Variants in EFR3A observed in about 807,000 individuals in gnomAD.
EFR3A encodes EFR3 homolog A.
In EFR3A, 76 loss-of-function variants were observed where a neutral mutation model predicts 104.4. The observed-to-expected ratio is 0.73, with a 90% confidence interval of 0.60 to 0.88. The LOEUF (loss-of-function observed/expected upper bound fraction) is 0.88. Ranked by LOEUF, EFR3A falls within the 40% of genes least tolerant of loss-of-function variation. The probability of loss-of-function intolerance (pLI) is 0.00; values close to 1 mark genes in which losing one functional copy is unlikely to be tolerated. For missense variants in EFR3A, 985 were observed against 1,012.5 expected (o/e 0.97, Z 0.37); for synonymous variants, 330 against 330.0 (o/e 1.00, Z 0.00).
intron 22 of EFR3A, among the ~76,000 whole-genome samples, chr8:132,010,407 GATATATAT>G (rs66644698): frequency 0.13 from 10,818 of 81,318 alleles, 695 homozygotes; most frequent in Middle Eastern, 0.25. Flanking sequence ...TCAAGTATGA[GATATATAT>G]ATATATATAT....
intron 4 of EFR3A, among the ~76,000 whole-genome samples, chr8:131,948,812 G>A (rs1336263129): frequency 6.6e-6 from 1 of 152,000 alleles, no homozygotes; most frequent in Non-Finnish European, 1.5e-5. Context: ...TTTCCTGGTG[G>A]TCTAATTTTC....
intron 22 of EFR3A, among the ~76,000 whole-genome samples, chr8:132,005,269 G>A (rs1438687517): frequency 6.6e-6 from 1 of 152,056 alleles, no homozygotes; most frequent in East Asian, 1.9e-4. Context: ...GAGTTTTCAG[G>A]TCCTGTCTGG....
At chr8:131,906,992 G>A (rs1280923137) in intron 1 of EFR3A, among the ~76,000 whole-genome samples, 1 of 141,460 alleles carries the variant, frequency 7.1e-6, no homozygotes, top group East Asian at 2.2e-4. Context: ...GTTGTGTATC[G>A]GGAAGCTGAG....
At chr8:131,968,231 C>T in intron 8 of EFR3A, 64 bp from the exon 9 acceptor site, 3 of 1,492,512 alleles carry the variant, frequency 2.0e-6, no homozygotes, top group Non-Finnish European at 2.7e-6. Context: ...TTTTTTTATT[C>T]TTAGGAATTC....
At chr8:132,007,397 TA>T (rs1253617037) in intron 22 of EFR3A, among the ~76,000 whole-genome samples, 4 of 151,840 alleles carry the variant, frequency 2.6e-5, no homozygotes, top group South Asian at 2.1e-4. Flanking sequence ...AACATAGCAT[TA>T]AAAAAATTAG....
intron 1 of EFR3A, among the ~76,000 whole-genome samples, chr8:131,929,073 G>A (rs1354077802): frequency 6.6e-6 from 1 of 151,936 alleles, no homozygotes; most frequent in South Asian, 2.1e-4. Context: ...TTTTAAATTT[G>A]TTTCTAGTTT....
intron 1 of EFR3A, chr8:131,938,165 G>C (rs1818000344): frequency 2.5e-6 from 1 of 396,124 alleles, no homozygotes; most frequent in African/African-American, 2.1e-5. Flanking sequence ...GGCACTTGCT[G>C]AACAGTAGGT....
intron 18 of EFR3A, among the ~76,000 whole-genome samples, chr8:131,991,772 G>T (rs900802598): frequency 1.3e-5 from 2 of 152,138 alleles, no homozygotes; most frequent in Non-Finnish European, 2.9e-5. Context: ...TCTCAAGAAA[G>T]TGAAAGGAAA....
At position 131,970,556 on chromosome 8, in the gene EFR3A, G is replaced by T. The variant is rs2270877; in HGVS notation, c.1072G>T (p.Gly358Trp). 5.6e-6 allele frequency: 9 copies of T among 1,613,700 alleles called. No individual in the cohort carries two copies. Among genetic ancestry groups the T allele is most frequent in the African/African-American group, 2.7e-5 (2 of 74,908 alleles). The change falls in exon 10 of 23, where the codon GGG becomes TGG. Residue 358 changes from glycine (G) to tryptophan (W), a missense_variant. Gly to Trp is a radical substitution (Grantham distance 184). Coordinates refer to ENST00000254624, the MANE Select transcript of EFR3A (RefSeq NM_015137.6). Reference sequence around the variant, plus strand: ...TGAATTCGAAGCAAATGATTTACAGGGGGGATCTGTAGGCAGTGTCAACTT... The same window carrying T: ...TGAATTCGAAGCAAATGATTTACAGTGGGGATCTGTAGGCAGTGTCAACTT... ...SVEFEANDLQ[G>W]GSVGSVNLNT...
intron 1 of EFR3A, among the ~76,000 whole-genome samples, chr8:131,928,874 T>A (rs949734994): frequency 3.9e-5 from 6 of 152,014 alleles, no homozygotes; most frequent in African/African-American, 1.4e-4. Context: ...ATTTGAAAAA[T>A]TATTCTTTGC....
chr8:131,956,077 T>C, intron 7 of EFR3A, among the ~76,000 whole-genome samples, 172 bp downstream of exon 7: 1 of 152,240 alleles, frequency 6.6e-6, no homozygotes, highest in African/African-American at 2.4e-5. Context: ...GTTTGACCAG[T>C]GGTTCAATTA....
At chr8:131,944,670 G>A in intron 2 of EFR3A, 75 bp from the exon 3 acceptor site, 1 of 1,399,436 alleles carries the variant, frequency 7.1e-7, no homozygotes, top group Non-Finnish European at 9.6e-7. Flanking sequence ...AAGGGAAATT[G>A]TAAAGCAGGC....
At chr8:132,010,701 T>C in intron 22 of EFR3A, 89 bp from the exon 23 acceptor site, 2 of 1,463,814 alleles carry the variant, frequency 1.4e-6, no homozygotes, top group South Asian at 2.6e-5. Flanking sequence ...GAGTCTGACT[T>C]TGATATTCGC....
rs1344559961 is a variant in EFR3A at position 131,922,775 on chromosome 8, T to G, written c.11-17724T>G. ...GTTTTCCAGCTACATAATCATGCTT[T>G]CACTCTTTGTCCTTCTGTTTCAGCA... On this transcript the variant is annotated intron_variant, in intron 1 of 22. Transcript: ENST00000254624. 2.6e-5 allele frequency among the ~76,000 whole-genome samples: 4 copies of G among 152,170 alleles called. No individual in the cohort carries two copies. The East Asian group carries it at 7.7e-4, about 29-fold the overall frequency.
At chr8:131,940,649 C>T in intron 2 of EFR3A, 74 bp downstream of exon 2, 2 of 1,509,388 alleles carry the variant, frequency 1.3e-6, no homozygotes, top group South Asian at 1.3e-5. Context: ...CTTAAGGTTT[C>T]CCTAATTTCA....
At chr8:131,951,506 A>G (rs1818701975) in intron 5 of EFR3A, among the ~76,000 whole-genome samples, 1 of 152,146 alleles carries the variant, frequency 6.6e-6, no homozygotes, top group Non-Finnish European at 1.5e-5. Flanking sequence ...GCAAAAAGAT[A>G]CAAAGATTAG....
chr8:131,959,549 A>G, intron 7 of EFR3A, 36 bp from the exon 8 acceptor site: 1 of 1,562,248 alleles, frequency 6.4e-7, no homozygotes, highest in Non-Finnish European at 8.8e-7. Flanking sequence ...AGTATAGTAA[A>G]ATAGAGAATT....
At chr8:131,967,903 T>G (rs942104709) in intron 8 of EFR3A, among the ~76,000 whole-genome samples, 3 of 42,308 alleles carry the variant, frequency 7.1e-5, no homozygotes, top group African/African-American at 3.3e-4. Flanking sequence ...TTTTACAAAA[T>G]TTTGTCCTAT....
intron 17 of EFR3A, 114 bp from the exon 18 acceptor site, chr8:131,987,461 C>G (rs1172143363): frequency 1.0e-5 from 12 of 1,185,646 alleles, no homozygotes; most frequent in African/African-American, 1.6e-5. Flanking sequence ...CTACAGTTTA[C>G]ATTGTGTTTA....
Sources: allele counts gnomAD v4.1 joint callset (sites outside exome capture counted in the v4.1 genomes callset), GRCh38; gene constraint gnomAD v4.1.1; transcripts MANE v1.5; gene names NCBI Gene and HGNC (gene_info 2026-07-23, HGNC 2026-07-21).